The following MDM1 variants were observed in gnomAD, a reference collection of about 807,000 sequenced individuals.
The protein encoded by MDM1 is Mdm1 nuclear protein.
MDM1 carries 61 observed loss-of-function variants against 89.1 expected under a neutral mutation model. That is an observed-to-expected ratio of 0.68 (90% CI 0.56 to 0.85). The LOEUF (loss-of-function observed/expected upper bound fraction) is 0.85, where lower values mean the gene tolerates loss of function less well. MDM1 is among the 40% of genes least tolerant of loss of function. The pLI, the probability that MDM1 is intolerant of heterozygous loss-of-function variation, is 0.00. For missense variants in MDM1, 820 were observed against 846.5 expected (o/e 0.97, Z 0.39); for synonymous variants, 290 against 294.1 (o/e 0.99, Z 0.14).
At chr12:68,317,222 T>C (rs1347323343) in intron 7 of MDM1, among the ~76,000 whole-genome samples, 4 of 152,110 alleles carry the variant, frequency 2.6e-5, no homozygotes, top group African/African-American at 7.2e-5. Flanking sequence ...ATTTGAAACC[T>C]TTCACTTTAT....
chr12:68,296,972 T>C lies in MDM1; in HGVS notation c.2013A>G (p.Ala671=). 6.3e-7 allele frequency: 1 copy of C among 1,594,032 alleles called. No individual in the cohort carries two copies. The highest frequency in any genetic ancestry group is 1.8e-5 in the Admixed American group (1 of 56,224). The change falls in exon 14 of 15, where the codon GCA becomes GCG. Residue 671 remains alanine, a synonymous_variant. Transcript: ENST00000682720. ...GAGGTAACTGCAAATTGTTCATCCTTGCTTTTCCCACTTAAAAAAAAAAAG... is the reference window on the plus strand; with the variant it reads ...GAGGTAACTGCAAATTGTTCATCCTCGCTTTTCCCACTTAAAAAAAAAAAG... ...DPEFQHNVGK[A]RMNNLQLPQH... is the part of the protein sequence containing the mutation.
At chr12:68,302,918 T>C (rs756825909) in intron 12 of MDM1, 46 bp from the exon 13 acceptor site, 9 of 1,485,040 alleles carry the variant, frequency 6.1e-6, no homozygotes, top group Non-Finnish European at 6.3e-6. Flanking sequence ...TATGTGTAGA[T>C]ATGTAAATAA....
Position 68,305,290 on chromosome 12 carries a change from T to G in MDM1, c.1750-2418A>C, listed in dbSNP as rs563076454. Among the ~76,000 whole-genome samples, 3 of 152,258 alleles carry G rather than the reference T, an allele frequency of 2.0e-5. No homozygotes were observed. In the East Asian group the frequency reaches 5.8e-4, roughly 29 times the overall value. On this transcript the variant is annotated intron_variant, in intron 12 of 14. Transcript: ENST00000682720. ...CTCTCAAAATAATAAGAGCCATCTA[T>G]GACAAACCCACAGCCAATATCATAC...
At chr12:68,300,494 C>A (rs1871997091) in intron 13 of MDM1, among the ~76,000 whole-genome samples, 1 of 151,850 alleles carries the variant, frequency 6.6e-6, no homozygotes, top group Non-Finnish European at 1.5e-5. Context: ...AAATGGAAAC[C>A]AAAAGCAAGC....
intron 14 of MDM1, 88 bp downstream of exon 14, chr12:68,296,835 T>G: frequency 2.4e-6 from 2 of 842,682 alleles, no homozygotes; most frequent in Non-Finnish European, 3.5e-6. Flanking sequence ...AAGTACTTCA[T>G]AAGCTATAAA....
intron 3 of MDM1, chr12:68,325,920 A>G (rs1875900779): frequency 2.0e-6 from 2 of 999,964 alleles, no homozygotes; most frequent in South Asian, 4.5e-5. Flanking sequence ...CACTGCTTCT[A>G]TGAACACCCC....
intron 7 of MDM1, among the ~76,000 whole-genome samples, chr12:68,319,220 G>T (rs1874899242): frequency 6.6e-6 from 1 of 152,154 alleles, no homozygotes; most frequent in South Asian, 2.1e-4. Flanking sequence ...TAGTCAAGTG[G>T]TTATTATAAT....
At position 68,302,878 on chromosome 12, in the gene MDM1, TGACA is replaced by T; in HGVS notation, c.1750-10_1750-7del. On this transcript the variant is annotated splice_region_variant and splice_polypyrimidine_tract_variant and intron_variant, in intron 12 of 14. Coordinates refer to ENST00000682720, the MANE Select transcript of MDM1 (RefSeq NM_001354969.2). ...GATACAGCACGACTTTCTTTCTAAA[TGACA>T]AAAAAAAAAAAAAAAAAAAGATGCC... 3.8e-6 allele frequency: 4 copies of T among 1,058,470 alleles called. No homozygotes were observed. Among genetic ancestry groups the T allele is most frequent in the South Asian group, 4.1e-5 (1 of 24,484 alleles). The allele number at this position is 1,058,470 out of a possible 1,614,324, so 65.6% of individuals were successfully genotyped here.
intron 12 of MDM1, among the ~76,000 whole-genome samples, chr12:68,306,057 A>T: frequency 6.6e-6 from 1 of 152,158 alleles, no homozygotes; most frequent in East Asian, 1.9e-4. Flanking sequence ...TGGTACTGGT[A>T]AACAAACAGA....
Position 68,327,155 on chromosome 12 carries a change from A to G in MDM1, c.134-134T>C, listed in dbSNP as rs944555618. The G allele has an allele frequency of 4.1e-5, 57 of 1,399,686 alleles. No individual in the cohort carries two copies. In the African/African-American group the frequency reaches 7.4e-4, roughly 18 times the overall value. The allele number at this position is 1,399,686 out of a possible 1,614,324, so 86.7% of individuals were successfully genotyped here. A position where few individuals can be genotyped will look rare whatever the true frequency, so the allele number is the denominator to read the frequency against. On this transcript the variant is annotated intron_variant, in intron 2 of 14. Transcript: ENST00000682720. ...ATATGTACCTATATATACACACAATATCCTTCAGATTATAGGATTTTAAAA... is the reference window on the plus strand; with the variant it reads ...ATATGTACCTATATATACACACAATGTCCTTCAGATTATAGGATTTTAAAA...
chr12:68,312,945 C>A (rs1873894849), intron 12 of MDM1, among the ~76,000 whole-genome samples: 1 of 152,186 alleles, frequency 6.6e-6, no homozygotes, highest in South Asian at 2.1e-4. Flanking sequence ...AAATGCCACT[C>A]TCGCACCGAG....
intron 13 of MDM1, among the ~76,000 whole-genome samples, chr12:68,302,101 C>T (rs912754368): frequency 2.6e-5 from 4 of 152,272 alleles, no homozygotes; most frequent in African/African-American, 9.6e-5. Flanking sequence ...CTCAGAGGCA[C>T]ATCATAAAAT....
chr12:68,331,320 CTT>C, intron 1 of MDM1, 99 bp from the exon 2 acceptor site: 1 of 757,776 alleles, frequency 1.3e-6, no homozygotes, highest in Non-Finnish European at 2.3e-6. Context: ...CCAAAAGAGA[CTT>C]AAGACTGAAA....
At chr12:68,302,986 G>GACCACCC in intron 12 of MDM1, 114 bp from the exon 13 acceptor site, 1 of 553,392 alleles carries the variant, frequency 1.8e-6, no homozygotes, top group Non-Finnish European at 2.9e-6. Flanking sequence ...AGAAATATGA[G>GACCACCC]AGAATTTATG....
At chr12:68,325,331 A>T (rs912034748) in intron 4 of MDM1, 110 bp downstream of exon 4, 1 of 1,373,832 alleles carries the variant, frequency 7.3e-7, no homozygotes, top group African/African-American at 1.5e-5. Flanking sequence ...TCTAGAACCT[A>T]CCTCCAGGCT....
At chr12:68,320,612 A>G (rs767998022) in intron 7 of MDM1, among the ~76,000 whole-genome samples, 4 of 152,200 alleles carry the variant, frequency 2.6e-5, no homozygotes, top group Non-Finnish European at 4.4e-5. Context: ...CTCATTCCCC[A>G]TCCAAATTAT....
chr12:68,328,109 C>A (rs535722157), intron 2 of MDM1, among the ~76,000 whole-genome samples: 6 of 152,102 alleles, frequency 3.9e-5, no homozygotes, highest in Non-Finnish European at 8.8e-5. Flanking sequence ...GTGCGTCCGC[C>A]CAAGGTAGAA....
intron 4 of MDM1, among the ~76,000 whole-genome samples, chr12:68,324,098 T>C (rs1379740986): frequency 6.6e-6 from 1 of 152,100 alleles, no homozygotes; most frequent in Admixed American, 6.5e-5. Flanking sequence ...GAACTAACCA[T>C]GAGCATTTCC....
chr12:68,321,545 AG>A lies in MDM1; in HGVS notation c.884del (p.Pro295LeufsTer10). On this transcript the variant is annotated frameshift_variant, in exon 6 of 15. Coordinates refer to ENST00000682720, the MANE Select transcript of MDM1 (RefSeq NM_001354969.2). LOFTEE classifies it high-confidence loss of function. ...DLHQPKRKLT[P>X]WKHQRLGKVN... The stretch of plus-strand genomic sequence containing the variant: ...CATACCCAAGCCTTTGATGTTTCCA[AG>A]GAGTAAGCTTCCTTTTAGGCTGGTG... 1 of 1,613,068 alleles carries A rather than the reference AG, an allele frequency of 6.2e-7. No individual in the cohort carries two copies.
Sources: gnomAD v4.1 joint callset for allele counts (sites outside exome capture counted in the v4.1 genomes callset) on GRCh38, gnomAD v4.1.1 for gene constraint, MANE v1.5 for transcripts, NCBI Gene and HGNC (gene_info 2026-07-23, HGNC 2026-07-21) for gene names.